PHYHD1: variants seen among roughly 807,000 people sequenced by gnomAD.
PHYHD1 encodes the protein phytanoyl-CoA dioxygenase domain containing 1.
In PHYHD1, 42 loss-of-function variants were observed where a neutral mutation model predicts 43.6. That is an observed-to-expected ratio of 0.96 (90% CI 0.75 to 1.25). The LOEUF is 1.25. Among genes scored for constraint, PHYHD1 ranks in the 50% most tolerant of loss-of-function variants. The pLI is 0.00. For synonymous variants in PHYHD1, 139 were observed against 143.6 expected (o/e 0.97, Z 0.23); for missense variants, 342 against 370.8 (o/e 0.92, Z 0.64).
intron 4 of PHYHD1, 73 bp from the exon 5 acceptor site, chr9:128,933,709 C>T (rs773203274): frequency 3.2e-5 from 48 of 1,487,106 alleles, no homozygotes; most frequent in Admixed American, 2.7e-4. Context: ...CTTCTGAATC[C>T]GCCTCCCTCT....
At chr9:128,933,150 C>CTTTTTTTTT (rs751550740) in intron 4 of PHYHD1, among the ~76,000 whole-genome samples, 1 of 104,210 alleles carries the variant, frequency 9.6e-6, no homozygotes, top group Admixed American at 1.1e-4. Context: ...TGCACCCAGA[C>CTTTTTTTTT]TTTTTTTTTT....
intron 3 of PHYHD1, 27 bp from the exon 4 acceptor site, chr9:128,927,011 A>G: frequency 6.2e-7 from 1 of 1,614,072 alleles, no homozygotes; most frequent in Non-Finnish European, 8.5e-7. Context: ...CAGACTGGGG[A>G]AGCCTGAGTC....
rs1265015070 is a variant in PHYHD1, at chr9:128,932,181, A to ATTTT, written c.193-1599_193-1598insTTTT. Among the ~76,000 whole-genome samples, 213 of 107,666 alleles carry ATTTT rather than the reference A, an allele frequency of 2.0e-3. 2 individuals are homozygous for ATTTT. Among genetic ancestry groups the ATTTT allele is most frequent in the African/African-American group, 7.8e-3 (178 of 22,810 alleles). 70.6% of individuals were successfully genotyped at this position (107,666 alleles called of 152,430 possible). A position where few individuals can be genotyped will look rare whatever the true frequency, so the allele number is the denominator to read the frequency against. On this transcript the variant is annotated intron_variant, in intron 4 of 12. Coordinates refer to ENST00000372592, the MANE Select transcript of PHYHD1 (RefSeq NM_001100876.2). The stretch of plus-strand genomic sequence containing the variant: ...TATTATTATTATTGTTATTATTATT[A>ATTTT]TTATTTTTTTTTTTTGAGATGGAGT...
intron 8 of PHYHD1, among the ~76,000 whole-genome samples, chr9:128,936,952 T>C (rs888572814): frequency 2.0e-5 from 3 of 151,506 alleles, no homozygotes; most frequent in Admixed American, 2.0e-4. Context: ...CCATCTCTAC[T>C]AAAAATACAA....
chr9:128,930,624 C>T (rs1209596448), intron 4 of PHYHD1, among the ~76,000 whole-genome samples: 2 of 147,094 alleles, frequency 1.4e-5, no homozygotes, highest in South Asian at 2.2e-4. Context: ...AGTGAACCTC[C>T]GTCTCAAAAA....
At chr9:128,922,411 A>C (rs764831825) in intron 3 of PHYHD1, 55 bp downstream of exon 3, 60 of 1,534,818 alleles carry the variant, frequency 3.9e-5, no homozygotes, top group Non-Finnish European at 5.1e-5. Context: ...TCCCTGCCGG[A>C]CCTTCAGTAG....
chr9:128,925,579 G>T (rs1457254418), intron 3 of PHYHD1, among the ~76,000 whole-genome samples: 1 of 151,986 alleles, frequency 6.6e-6, no homozygotes, highest in Non-Finnish European at 1.5e-5. Context: ...CGCTCTGCAG[G>T]CAAATGTGCA....
chr9:128,940,766 T>C, intron 11 of PHYHD1, 51 bp downstream of exon 11: 1 of 1,575,830 alleles, frequency 6.3e-7, no homozygotes, highest in East Asian at 2.2e-5. Context: ...CATCAGTCTG[T>C]GCTTGCTCGA....
At position 128,941,777 on chromosome 9, in the gene PHYHD1, G is replaced by C. The variant is rs938858098; in HGVS notation, c.*64G>C. 4.4e-6 allele frequency: 7 copies of C among 1,604,996 alleles called. No homozygotes were observed. The African/African-American group carries it at 6.7e-5, about 15-fold the overall frequency. ...GAAGCTGTGGGCTGTAAACACCAGTGCCTTGCTCAGCCTCCTGGTTGCAAC... is the reference window on the plus strand; with the variant it reads ...GAAGCTGTGGGCTGTAAACACCAGTCCCTTGCTCAGCCTCCTGGTTGCAAC... On this transcript the variant is annotated 3_prime_UTR_variant, in exon 13 of 13. Coordinates refer to ENST00000372592, the MANE Select transcript of PHYHD1 (RefSeq NM_001100876.2).
intron 3 of PHYHD1, among the ~76,000 whole-genome samples, chr9:128,926,595 G>A (rs1841141578): frequency 8.1e-6 from 1 of 123,174 alleles, no homozygotes; most frequent in Admixed American, 1.0e-4. Context: ...AGTCTCATCT[G>A]TTGCTCAGGC....
At chr9:128,929,549 G>A (rs1217962496) in intron 4 of PHYHD1, among the ~76,000 whole-genome samples, 2 of 150,378 alleles carry the variant, frequency 1.3e-5, no homozygotes, top group Admixed American at 6.6e-5. Context: ...GGCAGGCGCC[G>A]GCGGTCCCAG....
At chr9:128,932,166 A>ATTTTTTTTTTT (rs1564540372) in intron 4 of PHYHD1, among the ~76,000 whole-genome samples, 4 of 122,740 alleles carry the variant, frequency 3.3e-5, no homozygotes, top group African/African-American at 1.0e-4. Context: ...TATTATTATT[A>ATTTTTTTTTTT]TTGTTATTAT....
intron 6 of PHYHD1, among the ~76,000 whole-genome samples, chr9:128,934,972 A>G (rs1043928246): frequency 1.3e-5 from 2 of 151,892 alleles, no homozygotes; most frequent in Non-Finnish European, 2.9e-5. Flanking sequence ...GGCCTGGGGG[A>G]GCTCCTGGGT....
At chr9:128,927,702 T>C (rs1841172192) in intron 4 of PHYHD1, among the ~76,000 whole-genome samples, 1 of 152,188 alleles carries the variant, frequency 6.6e-6, no homozygotes, top group African/African-American at 2.4e-5. Flanking sequence ...TAGGTTCAGA[T>C]CACTTGCCCC....
chr9:128,923,487 G>A (rs1841056229), intron 3 of PHYHD1, among the ~76,000 whole-genome samples: 1 of 152,238 alleles, frequency 6.6e-6, no homozygotes, highest in African/African-American at 2.4e-5. Context: ...AGATAATCAT[G>A]TATAGCCAAT....
chr9:128,936,663 GC>G lies in PHYHD1; in HGVS notation c.435+20del. On this transcript the variant is annotated intron_variant, in intron 8 of 12. Coordinates refer to ENST00000372592, the MANE Select transcript of PHYHD1 (RefSeq NM_001100876.2). The stretch of plus-strand genomic sequence containing the variant: ...TCTTTAAGGTGAGCTCCTTGTCCTT[GC>G]CTCAGTTTACCATCTGTAAAATGGG... The G allele has an allele frequency of 6.4e-6, 10 of 1,551,514 alleles. No homozygotes were observed. Among genetic ancestry groups the G allele is most frequent in the Non-Finnish European group, 7.8e-6 (9 of 1,146,912 alleles).
intron 6 of PHYHD1, among the ~76,000 whole-genome samples, chr9:128,936,002 C>T (rs749152361): frequency 2.0e-5 from 3 of 152,176 alleles, no homozygotes; most frequent in Non-Finnish European, 4.4e-5. Flanking sequence ...CCATGCCAGG[C>T]CCTGGGCTGT....
chr9:128,926,558 C>CTTTT (rs56677426), intron 3 of PHYHD1, among the ~76,000 whole-genome samples: 2 of 119,114 alleles, frequency 1.7e-5, no homozygotes, highest in African/African-American at 3.1e-5. Context: ...CTTTTTCTTT[C>CTTTT]TTTTTTTTTT....
intron 9 of PHYHD1, among the ~76,000 whole-genome samples, chr9:128,938,891 G>A (rs1841491565): frequency 7.6e-6 from 1 of 130,840 alleles, no homozygotes; most frequent in African/African-American, 2.5e-5. Context: ...CCCCTCCCAG[G>A]AAGCCCTTTC....
Sources: allele counts gnomAD v4.1 joint callset (sites outside exome capture counted in the v4.1 genomes callset), GRCh38; gene constraint gnomAD v4.1.1; transcripts MANE v1.5; gene names NCBI Gene and HGNC (gene_info 2026-07-23, HGNC 2026-07-21).